GALNT17: variants seen among roughly 807,000 people sequenced by gnomAD.
GALNT17 encodes the protein polypeptide N-acetylgalactosaminyltransferase 17.
A neutral mutation model predicts 63.7 loss-of-function variants in GALNT17; 29 were observed. The observed-to-expected ratio is 0.46, with a 90% CI of 0.34 to 0.62. The LOEUF (loss-of-function observed/expected upper bound fraction) is 0.62. Ranked by LOEUF, GALNT17 falls within the 20% of genes least tolerant of loss-of-function variation. The pLI is 0.01. For synonymous variants in GALNT17, 305 were observed against 318.3 expected (o/e 0.96, Z 0.45); for missense variants, 603 against 799.6 (o/e 0.75, Z 2.97).
At chr7:71,691,924 C>CA (rs1791450728) in intron 9 of GALNT17, among the ~76,000 whole-genome samples, 1 of 145,440 alleles carries the variant, frequency 6.9e-6, no homozygotes, top group African/African-American at 2.6e-5. Context: ...TTCTTTTTTT[C>CA]TTTTTTTGAA....
intron 6 of GALNT17, among the ~76,000 whole-genome samples, chr7:71,631,198 C>G (rs1309291966): frequency 1.4e-5 from 2 of 145,140 alleles, no homozygotes; most frequent in Non-Finnish European, 3.0e-5. Flanking sequence ...TTTATTTTTA[C>G]TTTTTTTTTT....
intron 1 of GALNT17, among the ~76,000 whole-genome samples, chr7:71,138,692 G>A (rs1017708382): frequency 2.6e-5 from 4 of 152,206 alleles, no homozygotes; most frequent in African/African-American, 9.6e-5. Context: ...TGGACCTAGT[G>A]GTCGGGCACA....
intron 1 of GALNT17, among the ~76,000 whole-genome samples, chr7:71,146,448 G>C (rs1788025747): frequency 6.6e-6 from 1 of 152,158 alleles, no homozygotes; most frequent in Admixed American, 6.5e-5. Flanking sequence ...TCCATGGGTG[G>C]CTTTTGGCCT....
At chr7:71,168,540 C>T (rs1238022035) in intron 1 of GALNT17, among the ~76,000 whole-genome samples, 2 of 151,972 alleles carry the variant, frequency 1.3e-5, no homozygotes, top group African/African-American at 4.8e-5. Flanking sequence ...CCATTGCACT[C>T]CAGCCTGGGC....
At chr7:71,168,186 T>G (rs1278867369) in intron 1 of GALNT17, among the ~76,000 whole-genome samples, 1 of 152,198 alleles carries the variant, frequency 6.6e-6, no homozygotes, top group Non-Finnish European at 1.5e-5. Context: ...GCTGTGTTTG[T>G]CTGTATTTGC....
intron 5 of GALNT17, among the ~76,000 whole-genome samples, chr7:71,492,822 C>A (rs143615608): frequency 6.6e-6 from 1 of 152,122 alleles, no homozygotes; most frequent in African/African-American, 2.4e-5. Context: ...TCTCATGGAT[C>A]CTTGTCTTGA....
At chr7:71,603,465 A>G (rs934199019) in intron 6 of GALNT17, among the ~76,000 whole-genome samples, 3 of 152,078 alleles carry the variant, frequency 2.0e-5, no homozygotes, top group African/African-American at 4.8e-5. Context: ...ACCAGGTACT[A>G]TGTTAAGTGC....
At chr7:71,584,551 G>A (rs1789687017) in intron 6 of GALNT17, among the ~76,000 whole-genome samples, 1 of 151,866 alleles carries the variant, frequency 6.6e-6, no homozygotes, top group Non-Finnish European at 1.5e-5. Flanking sequence ...TAAAAACATA[G>A]TCTCGACATA....
intron 1 of GALNT17, among the ~76,000 whole-genome samples, chr7:71,323,254 C>G (rs1791648077): frequency 6.6e-6 from 1 of 152,092 alleles, no homozygotes; most frequent in Non-Finnish European, 1.5e-5. Context: ...GAACTATAAA[C>G]CAGGAATGCA....
At chr7:71,336,921 T>C (rs1791918911) in intron 2 of GALNT17, among the ~76,000 whole-genome samples, 1 of 152,218 alleles carries the variant, frequency 6.6e-6, no homozygotes, top group African/African-American at 2.4e-5. Flanking sequence ...AATTGCTTTC[T>C]ACAATGGCGG....
At position 71,571,337 on chromosome 7, in the gene GALNT17, G is replaced by A; in HGVS notation, c.1015G>A (p.Glu339Lys). ...CGTGGTCAACAGGAAGTTCTTCGGT[G>A]AAATTGGTCTTCTGGATCCTGGCAT... The part of the protein sequence containing the change: ...SFVVNRKFFG[E>K]IGLLDPGMDV... Residue 339 changes from glutamate (E) to lysine (K), a missense_variant, in exon 6 of 11, where the codon GAA (glutamate) becomes AAA (lysine). This residue lies in a region of GALNT17 where 336 missense variants were observed against 507.8 expected (regional missense o/e 0.66). Transcript: ENST00000333538. 2 of 1,614,130 alleles carry A rather than the reference G, an allele frequency of 1.2e-6. No individual in the cohort carries two copies. The highest frequency in any genetic ancestry group is 1.7e-6 in the Non-Finnish European group (2 of 1,179,978).
At chr7:71,288,215 CAAAAAA>C (rs59555320) in intron 1 of GALNT17, among the ~76,000 whole-genome samples, 21 of 83,838 alleles carry the variant, frequency 2.5e-4, no homozygotes, top group South Asian at 5.2e-4. Context: ...GACTCCATCT[CAAAAAA>C]AAAAAAAAAA....
At chr7:71,168,725 G>GAT (rs1473202464) in intron 1 of GALNT17, among the ~76,000 whole-genome samples, 1 of 151,936 alleles carries the variant, frequency 6.6e-6, no homozygotes, top group Non-Finnish European at 1.5e-5. Context: ...GTGTGTGTGT[G>GAT]TGTGTGTGTG....
chr7:71,163,312 T>C (rs1362537476), intron 1 of GALNT17, among the ~76,000 whole-genome samples: 1 of 152,092 alleles, frequency 6.6e-6, no homozygotes, highest in Non-Finnish European at 1.5e-5. Flanking sequence ...GTCCAGAGAG[T>C]TGGATGTACT....
chr7:71,309,149 C>T (rs1791366428), intron 1 of GALNT17, among the ~76,000 whole-genome samples: 1 of 152,032 alleles, frequency 6.6e-6, no homozygotes, highest in South Asian at 2.1e-4. Context: ...CCCTTCAGTG[C>T]CATTTTTCCA....
chr7:71,626,614 G>A (rs1251568572), intron 6 of GALNT17, among the ~76,000 whole-genome samples: 1 of 152,168 alleles, frequency 6.6e-6, no homozygotes, highest in Admixed American at 6.5e-5. Flanking sequence ...AGATTCTTCT[G>A]GAAGAATACA....
At chr7:71,368,769 T>C (rs909688642) in intron 2 of GALNT17, among the ~76,000 whole-genome samples, 3 of 152,146 alleles carry the variant, frequency 2.0e-5, no homozygotes, top group Non-Finnish European at 4.4e-5. Flanking sequence ...TGTTTCTGGG[T>C]GATATAGACA....
chr7:71,433,194 A>G (rs1786900161), intron 5 of GALNT17, among the ~76,000 whole-genome samples: 1 of 152,222 alleles, frequency 6.6e-6, no homozygotes, highest in Non-Finnish European at 1.5e-5. Context: ...TCTTCCAGAT[A>G]AAAACAGGAG....
intron 1 of GALNT17, among the ~76,000 whole-genome samples, chr7:71,198,846 C>T (rs1789106533): frequency 6.6e-6 from 1 of 152,148 alleles, no homozygotes; most frequent in Admixed American, 6.5e-5. Context: ...AAGCACATTC[C>T]CTTCGTTTAT....
Sources: gnomAD v4.1 joint callset for allele counts (sites outside exome capture counted in the v4.1 genomes callset) on GRCh38, gnomAD v4.1.1 for gene constraint, gnomAD v4.1.1 regional missense constraint, MANE v1.5 for transcripts, NCBI Gene and HGNC (gene_info 2026-07-23, HGNC 2026-07-21) for gene names.